Variants in SLC4A4 observed in about 807,000 individuals in gnomAD.
SLC4A4 encodes the protein electrogenic sodium bicarbonate cotransporter 1.
SLC4A4 carries 27 observed loss-of-function variants against 111.5 expected under a neutral mutation model. The ratio of observed to expected loss-of-function variants is 0.24; its 90% CI spans 0.18 to 0.33. The LOEUF is 0.33. SLC4A4 is among the 10% of genes least tolerant of loss of function. The pLI, the probability that SLC4A4 is intolerant of heterozygous loss-of-function variation, is 1.00. For synonymous variants in SLC4A4, 443 were observed against 463.4 expected, an observed-to-expected ratio of 0.96 and a Z score of 0.57; for missense variants, 909 against 1,315.5, an observed-to-expected ratio of 0.69 and a Z score of 4.78.
chr4:71,138,929 A>G (rs544641971), intron 2 of SLC4A4, among the ~76,000 whole-genome samples: 5 of 151,526 alleles, frequency 3.3e-5, no homozygotes, highest in African/African-American at 4.9e-5. Flanking sequence ...CCAGCTACTC[A>G]GGAGGCTGAG....
intron 12 of SLC4A4, among the ~76,000 whole-genome samples, chr4:71,460,685 C>G (rs1286996658): frequency 6.6e-6 from 1 of 152,088 alleles, no homozygotes; most frequent in Non-Finnish European, 1.5e-5. Flanking sequence ...TATCCAGTCT[C>G]CTTCCCCAAT....
intron 12 of SLC4A4, among the ~76,000 whole-genome samples, chr4:71,457,719 TA>T (rs1360377162): frequency 6.6e-6 from 1 of 152,248 alleles, no homozygotes; most frequent in East Asian, 1.9e-4. Context: ...CCTTCATAAC[TA>T]AACTCTCTGT....
intron 16 of SLC4A4, among the ~76,000 whole-genome samples, chr4:71,511,401 A>C (rs1332372081): frequency 6.6e-6 from 1 of 151,672 alleles, no homozygotes; most frequent in East Asian, 1.9e-4. Flanking sequence ...TTTTCCCCTT[A>C]TGCTCTTTTT....
chr4:71,339,413 G>A lies in SLC4A4; in HGVS notation c.297G>A (p.Glu99=). ...AERIRFILGE[E]DDSPAPPQLF... is the part of the protein sequence containing the mutation. The stretch of plus-strand genomic sequence containing the variant: ...GCATCCGATTCATCTTGGGAGAGGA[G>A]GATGACAGCCCAGCTCCCCCTCAGC... The change falls in exon 4 of 26, where the codon GAG becomes GAA. Residue 99 remains glutamate, a synonymous_variant. Transcript: ENST00000264485. The A allele has an allele frequency of 6.8e-6, 11 of 1,614,146 alleles. No individual in the cohort carries two copies. The highest frequency in any genetic ancestry group is 9.3e-6 in the Non-Finnish European group (11 of 1,180,034).
At chr4:71,391,737 TA>T (rs1178165553) in intron 6 of SLC4A4, among the ~76,000 whole-genome samples, 1 of 152,012 alleles carries the variant, frequency 6.6e-6, no homozygotes, top group Non-Finnish European at 1.5e-5. Context: ...TCTTTTTTTT[TA>T]AATGAATCTT....
chr4:71,370,617 T>A (rs1731778428), intron 6 of SLC4A4, among the ~76,000 whole-genome samples: 1 of 152,192 alleles, frequency 6.6e-6, no homozygotes, highest in Non-Finnish European at 1.5e-5. Flanking sequence ...CTTACCAACA[T>A]AGGATTGTTG....
chr4:71,193,394 C>G (rs938530585), intron 1 of SLC4A4, among the ~76,000 whole-genome samples: 7 of 152,168 alleles, frequency 4.6e-5, no homozygotes, highest in Non-Finnish European at 8.8e-5. Context: ...CTCCTGACCT[C>G]GTGATCCGCC....
At chr4:71,149,380 G>C (rs1002525600) in intron 2 of SLC4A4, among the ~76,000 whole-genome samples, 1 of 151,988 alleles carries the variant, frequency 6.6e-6, no homozygotes, top group Admixed American at 6.6e-5. Flanking sequence ...TATGATTTTG[G>C]GGCATTGATT....
rs1429399362 is a variant in SLC4A4, at chr4:71,525,210, T to C, written c.2167-6852T>C. 1.3e-5 allele frequency among the ~76,000 whole-genome samples: 2 copies of C among 152,138 alleles called. 1 individual carries two copies. The highest frequency in any genetic ancestry group is 4.8e-5 in the African/African-American group (2 of 41,454). On this transcript the variant is annotated intron_variant, in intron 16 of 25. Transcript: ENST00000264485. ...ATGTTTATTTGAATTTCCTTTTCCA[T>C]CCACTTAATTTCTTCTTTGCTTTGG...
intron 16 of SLC4A4, among the ~76,000 whole-genome samples, chr4:71,500,300 C>A (rs562971489): frequency 1.8e-4 from 27 of 152,198 alleles, no homozygotes; most frequent in African/African-American, 6.3e-4. Context: ...TTGATGCAAT[C>A]CTGTTTGTCT....
intron 3 of SLC4A4, among the ~76,000 whole-genome samples, chr4:71,276,239 A>G (rs895320833): frequency 2.0e-5 from 3 of 152,220 alleles, no homozygotes; most frequent in Non-Finnish European, 4.4e-5. Flanking sequence ...CATTTCCCCA[A>G]TGGTTATATC....
intron 18 of SLC4A4, among the ~76,000 whole-genome samples, chr4:71,541,283 G>A (rs1231901870): frequency 2.6e-5 from 4 of 152,120 alleles, no homozygotes; most frequent in Non-Finnish European, 4.4e-5. Flanking sequence ...AGATTCATTC[G>A]TGAGGAGAGT....
intron 9 of SLC4A4, among the ~76,000 whole-genome samples, chr4:71,449,218 A>G (rs887016946): frequency 6.6e-6 from 1 of 152,192 alleles, no homozygotes; most frequent in African/African-American, 2.4e-5. Flanking sequence ...GACATTGCCT[A>G]CCATCAGCTC....
intron 3 of SLC4A4, among the ~76,000 whole-genome samples, chr4:71,301,573 G>T (rs1725263067): frequency 6.6e-6 from 1 of 152,248 alleles, no homozygotes; most frequent in Non-Finnish European, 1.5e-5. Flanking sequence ...GCAGGCCCCA[G>T]CTCCTTATTC....
chr4:71,166,662 T>A (rs1744751850), intron 2 of SLC4A4, among the ~76,000 whole-genome samples: 1 of 152,218 alleles, frequency 6.6e-6, no homozygotes, highest in Non-Finnish European at 1.5e-5. Context: ...AAATGTGTCT[T>A]CCTTTGACTC....
chr4:71,451,549 A>G lies in SLC4A4; in HGVS notation c.1322+248A>G, dbSNP rs1457165068. 2.0e-5 allele frequency among the ~76,000 whole-genome samples: 3 copies of G among 152,182 alleles called. No homozygotes were observed. In the East Asian group the frequency reaches 5.8e-4, roughly 29 times the overall value. On this transcript the variant is annotated intron_variant, in intron 11 of 25. Coordinates refer to ENST00000264485, the MANE Select transcript of SLC4A4 (RefSeq NM_001098484.3). ...AATAAGTAAATGTGGTGATGGTTTT[A>G]TGGGGAAAATTAAGGCAGAAGTAGG...
At chr4:71,440,113 C>T (rs945292102) in intron 7 of SLC4A4, among the ~76,000 whole-genome samples, 1 of 151,952 alleles carries the variant, frequency 6.6e-6, no homozygotes, top group African/African-American at 2.4e-5. Flanking sequence ...TCTTCAGAGG[C>T]CTTCCCCTAT....
intron 2 of SLC4A4, among the ~76,000 whole-genome samples, chr4:71,150,931 T>C: frequency 6.6e-6 from 1 of 152,216 alleles, no homozygotes; most frequent in African/African-American, 2.4e-5. Flanking sequence ...AGAAATAGTT[T>C]GCTATTTGAA....
At chr4:71,297,655 T>C (rs1480250898) in intron 3 of SLC4A4, among the ~76,000 whole-genome samples, 2 of 149,862 alleles carry the variant, frequency 1.3e-5, no homozygotes, top group Non-Finnish European at 3.0e-5. Flanking sequence ...TGGCGTAATA[T>C]AGGCTCATTG....
Sources: gnomAD v4.1 joint callset for allele counts (sites outside exome capture counted in the v4.1 genomes callset) on GRCh38, gnomAD v4.1.1 for gene constraint, MANE v1.5 for transcripts, NCBI Gene and HGNC (gene_info 2026-07-23, HGNC 2026-07-21) for gene names.